The following FGF14 variants were observed in gnomAD, a reference collection of about 807,000 sequenced individuals.
FGF14 encodes fibroblast growth factor homologous factor 4.
FGF14 carries 5 observed loss-of-function variants against 25.5 expected under a neutral mutation model. The observed-to-expected ratio is 0.20, with a 90% confidence interval of 0.10 to 0.41. The LOEUF (loss-of-function observed/expected upper bound fraction) is 0.41. Among genes scored for constraint, FGF14 ranks in the 10% least tolerant of loss-of-function variants. The pLI is 1.00. For synonymous variants in FGF14, 138 were observed against 118.3 expected (o/e 1.17, Z -1.08); for missense variants, 222 against 320.1 (o/e 0.69, Z 2.34).
intron 1 of FGF14, among the ~76,000 whole-genome samples, chr13:101,992,428 C>T (rs188016014): frequency 5.3e-5 from 8 of 152,132 alleles, no homozygotes; most frequent in African/African-American, 1.9e-4. Context: ...CAAAGTCATG[C>T]TAAGGGGCAA....
At chr13:102,117,619 G>A (rs749069447) in intron 1 of FGF14, among the ~76,000 whole-genome samples, 6 of 152,146 alleles carry the variant, frequency 3.9e-5, no homozygotes, top group Non-Finnish European at 5.9e-5. Flanking sequence ...GGTTCATCCC[G>A]AGGGTACTGG....
chr13:101,963,054 G>A (rs984892084), intron 1 of FGF14, among the ~76,000 whole-genome samples: 17 of 152,094 alleles, frequency 1.1e-4, no homozygotes, highest in African/African-American at 2.9e-4. Context: ...AAAGTCTCCC[G>A]TTACTGGCAG....
At chr13:102,007,207 CAAAAG>C (rs1051298809) in intron 1 of FGF14, among the ~76,000 whole-genome samples, 1 of 152,082 alleles carries the variant, frequency 6.6e-6, no homozygotes, top group Non-Finnish European at 1.5e-5. Context: ...TTAGAGAAAA[CAAAAG>C]GAAAGGAAGT....
At chr13:101,813,177 C>A (rs114837279) in intron 3 of FGF14, among the ~76,000 whole-genome samples, 1 of 152,112 alleles carries the variant, frequency 6.6e-6, no homozygotes, top group Non-Finnish European at 1.5e-5. Context: ...TTACCTGCAT[C>A]CAGATCTCCT....
chr13:102,198,969 C>G (rs927878332), intron 1 of FGF14, among the ~76,000 whole-genome samples: 3 of 152,206 alleles, frequency 2.0e-5, no homozygotes, highest in Admixed American at 6.5e-5. Flanking sequence ...CCCCCAATAT[C>G]CTTATGTCTA....
intron 1 of FGF14, among the ~76,000 whole-genome samples, chr13:102,318,817 C>T (rs952975076): frequency 6.6e-6 from 1 of 152,128 alleles, no homozygotes; most frequent in African/African-American, 2.4e-5. Context: ...ACCCATAACT[C>T]CAGGAATGAC....
chr13:101,815,754 T>G (rs984083232), intron 3 of FGF14, among the ~76,000 whole-genome samples: 3 of 151,982 alleles, frequency 2.0e-5, no homozygotes, highest in Non-Finnish European at 2.9e-5. Context: ...AGATTTCTCC[T>G]AAGCACTTTA....
chr13:101,782,019 C>T (rs1394989686), intron 3 of FGF14, among the ~76,000 whole-genome samples: 4 of 152,094 alleles, frequency 2.6e-5, no homozygotes, highest in Non-Finnish European at 5.9e-5. Flanking sequence ...AGATCTCATT[C>T]TTTTTGATGA....
intron 1 of FGF14, among the ~76,000 whole-genome samples, chr13:101,903,671 T>C (rs1266652353): frequency 2.0e-5 from 3 of 152,054 alleles, no homozygotes; most frequent in Non-Finnish European, 2.9e-5. Context: ...ACAGAATCTA[T>C]AGAATATACA....
intron 1 of FGF14, among the ~76,000 whole-genome samples, chr13:102,285,357 T>C (rs2054043302): frequency 6.6e-6 from 1 of 152,202 alleles, no homozygotes; most frequent in African/African-American, 2.4e-5. Flanking sequence ...ATAAGAATTA[T>C]AGAAAACTCA....
At chr13:101,764,319 C>T (rs1199399827) in intron 3 of FGF14, among the ~76,000 whole-genome samples, 1 of 152,140 alleles carries the variant, frequency 6.6e-6, no homozygotes, top group East Asian at 1.9e-4. Context: ...TCCTACTACC[C>T]CACAGAATTG....
chr13:102,396,434 C>T (rs1595055853), intron 1 of FGF14, among the ~76,000 whole-genome samples: 1 of 152,114 alleles, frequency 6.6e-6, no homozygotes, highest in African/African-American at 2.4e-5. Flanking sequence ...GCGTATGAGT[C>T]AATTTGAGTG....
chr13:102,028,928 T>C (rs992690264), intron 1 of FGF14, among the ~76,000 whole-genome samples: 6 of 152,080 alleles, frequency 3.9e-5, no homozygotes, highest in African/African-American at 1.2e-4. Context: ...ATCCTTAGAA[T>C]GTGCCTTTTC....
chr13:101,930,048 C>T (rs915331302), intron 1 of FGF14, among the ~76,000 whole-genome samples: 1 of 152,184 alleles, frequency 6.6e-6, no homozygotes, highest in African/African-American at 2.4e-5. Context: ...TAATTCATCC[C>T]ATTACTCGTT....
chr13:102,149,363 T>C (rs922117938), intron 1 of FGF14, among the ~76,000 whole-genome samples: 2 of 152,036 alleles, frequency 1.3e-5, no homozygotes, highest in African/African-American at 4.8e-5. Flanking sequence ...AAGGATAAGA[T>C]AAAATAAGTC....
intron 1 of FGF14, among the ~76,000 whole-genome samples, chr13:102,334,699 A>T (rs2056739723): frequency 6.6e-6 from 1 of 152,236 alleles, no homozygotes; most frequent in South Asian, 2.1e-4. Context: ...CACAGTATTT[A>T]TGAACTCAAA....
intron 1 of FGF14, among the ~76,000 whole-genome samples, chr13:102,265,025 T>C (rs2052918310): frequency 6.6e-6 from 1 of 152,132 alleles, no homozygotes; most frequent in Non-Finnish European, 1.5e-5. Flanking sequence ...CCCAAAGTAA[T>C]TAAAAATACT....
chr13:101,880,747 T>C (rs1392590305), intron 1 of FGF14, among the ~76,000 whole-genome samples: 1 of 152,200 alleles, frequency 6.6e-6, no homozygotes, highest in African/African-American at 2.4e-5. Flanking sequence ...GATAAATCCC[T>C]TGATAATTTG....
intron 1 of FGF14, among the ~76,000 whole-genome samples, chr13:101,882,372 T>A (rs1238005404): frequency 6.6e-6 from 1 of 151,726 alleles, no homozygotes; most frequent in Non-Finnish European, 1.5e-5. Flanking sequence ...GAAAAAAAAA[T>A]GCATTTTTAT....
Sources: allele counts gnomAD v4.1 joint callset (sites outside exome capture counted in the v4.1 genomes callset), GRCh38; gene constraint gnomAD v4.1.1; transcripts MANE v1.5; gene names NCBI Gene and HGNC (gene_info 2026-07-23, HGNC 2026-07-21).